The following TNFAIP8 variants were observed in gnomAD, a reference collection of about 807,000 sequenced individuals.
The protein encoded by TNFAIP8 is TNF alpha induced protein 8, also known as tumor necrosis factor alpha-induced protein 8.
In TNFAIP8, 7 loss-of-function variants were observed where a neutral mutation model predicts 13.3. That is an observed-to-expected ratio of 0.52 (90% CI 0.30 to 0.99). The LOEUF (loss-of-function observed/expected upper bound fraction) is 0.99, where lower values mean the gene tolerates loss of function less well. TNFAIP8 is among the 50% of genes least tolerant of loss of function. The pLI is 0.07. For synonymous variants in TNFAIP8, 94 were observed against 87.6 expected (o/e 1.07, Z -0.41); for missense variants, 258 against 236.9 (o/e 1.09, Z -0.58).
intron 1 of TNFAIP8, among the ~76,000 whole-genome samples, chr5:119,367,334 A>T (rs533053386): frequency 6.0e-4 from 92 of 152,238 alleles, no homozygotes; most frequent in Middle Eastern, 3.4e-3. Context: ...GAGTCATTCT[A>T]TGGTCTTAGG....
chr5:119,393,454 A>G lies in TNFAIP8; in HGVS notation c.*73A>G, dbSNP rs1215803320. 6 of 1,369,118 alleles carry G rather than the reference A, an allele frequency of 4.4e-6. No individual in the cohort carries two copies. The highest frequency in any genetic ancestry group is 5.0e-6 in the Non-Finnish European group (5 of 1,004,686). 84.8% of individuals were successfully genotyped at this position (1,369,118 alleles called of 1,614,324 possible). ...GCACTGCTGATTTATGAAGGAAAAA[A>G]GAAGAATTTTCTAAAGATTACACAT... On this transcript the variant is annotated 3_prime_UTR_variant, in exon 2 of 2. Transcript: ENST00000504771.
intron 1 of TNFAIP8, among the ~76,000 whole-genome samples, chr5:119,304,453 C>T (rs1384772227): frequency 2.0e-5 from 3 of 152,210 alleles, no homozygotes; most frequent in Admixed American, 6.5e-5. Flanking sequence ...TTTCTTACCT[C>T]TAAACTAAAC....
At chr5:119,369,805 G>C (rs181841826) in intron 1 of TNFAIP8, among the ~76,000 whole-genome samples, 2 of 152,330 alleles carry the variant, frequency 1.3e-5, no homozygotes, top group South Asian at 2.1e-4. Context: ...CTTCGAGCCA[G>C]TGTGAGTGAT....
At chr5:119,314,198 CAAACAAAA>C (rs891062971) in intron 1 of TNFAIP8, among the ~76,000 whole-genome samples, 35 of 149,306 alleles carry the variant, frequency 2.3e-4, no homozygotes, top group South Asian at 1.1e-3. Flanking sequence ...AACAAACAAA[CAAACAAAA>C]AAACCATGTC....
At chr5:119,383,579 T>G (rs887777458) in intron 1 of TNFAIP8, among the ~76,000 whole-genome samples, 3 of 152,222 alleles carry the variant, frequency 2.0e-5, no homozygotes, top group Non-Finnish European at 4.4e-5. Context: ...TTATATTCTT[T>G]CATCACTCAA....
chr5:119,321,203 T>A (rs62375109), intron 1 of TNFAIP8, among the ~76,000 whole-genome samples: 1 of 151,972 alleles, frequency 6.6e-6, no homozygotes, highest in African/African-American at 2.4e-5. Flanking sequence ...GGCAACACCG[T>A]GAGACTCCAT....
chr5:119,362,795 A>G (rs1339029978), intron 1 of TNFAIP8, among the ~76,000 whole-genome samples: 2 of 151,966 alleles, frequency 1.3e-5, no homozygotes, highest in Non-Finnish European at 2.9e-5. Context: ...CTGTCTCAAA[A>G]AAAAAAAAAG....
chr5:119,366,071 C>T (rs1453911752), intron 1 of TNFAIP8, among the ~76,000 whole-genome samples: 1 of 150,804 alleles, frequency 6.6e-6, no homozygotes, highest in Non-Finnish European at 1.5e-5. Flanking sequence ...GGGATCCAGG[C>T]CTGATGAGAG....
intron 1 of TNFAIP8, among the ~76,000 whole-genome samples, chr5:119,277,956 C>A (rs931700542): frequency 3.9e-5 from 6 of 152,120 alleles, no homozygotes; most frequent in African/African-American, 1.4e-4. Context: ...GCCCTTATGA[C>A]TTAATCACTT....
intron 1 of TNFAIP8, among the ~76,000 whole-genome samples, chr5:119,365,075 C>T (rs976927391): frequency 6.6e-6 from 1 of 152,006 alleles, no homozygotes; most frequent in African/African-American, 2.4e-5. Flanking sequence ...TGGTCTCAAA[C>T]TCCTGACCTC....
At chr5:119,338,210 A>ACACACACACC (rs1366073474) in intron 1 of TNFAIP8, among the ~76,000 whole-genome samples, 4 of 130,622 alleles carry the variant, frequency 3.1e-5, no homozygotes, top group African/African-American at 1.2e-4. Context: ...ACACACACAC[A>ACACACACACC]CCTTCTCAGC....
intron 1 of TNFAIP8, among the ~76,000 whole-genome samples, chr5:119,372,032 G>C (rs1313604507): frequency 3.3e-5 from 5 of 151,968 alleles, no homozygotes; most frequent in Non-Finnish European, 5.9e-5. Flanking sequence ...AGCTACTCAA[G>C]AGGCTGAGGC....
intron 1 of TNFAIP8, among the ~76,000 whole-genome samples, chr5:119,307,377 G>A (rs1400246336): frequency 6.6e-6 from 1 of 152,154 alleles, no homozygotes; most frequent in African/African-American, 2.4e-5. Context: ...TTCTGGAAGT[G>A]TAATTGCTGA....
intron 1 of TNFAIP8, among the ~76,000 whole-genome samples, chr5:119,314,064 A>T (rs1749809872): frequency 6.6e-6 from 1 of 152,228 alleles, no homozygotes; most frequent in South Asian, 2.1e-4. Flanking sequence ...GTCATGACAC[A>T]TGCCTGGCAT....
chr5:119,376,912 A>G (rs1339495992), intron 1 of TNFAIP8, among the ~76,000 whole-genome samples: 1 of 152,190 alleles, frequency 6.6e-6, no homozygotes, highest in Non-Finnish European at 1.5e-5. Context: ...GCCTTCCCCA[A>G]GTACATCAAG....
At chr5:119,375,300 C>T (rs1468902886) in intron 1 of TNFAIP8, among the ~76,000 whole-genome samples, 1 of 152,158 alleles carries the variant, frequency 6.6e-6, no homozygotes, top group Non-Finnish European at 1.5e-5. Context: ...CTTCTATCTC[C>T]TAAAATAGGA....
chr5:119,382,899 C>G (rs1280555735), intron 1 of TNFAIP8, among the ~76,000 whole-genome samples: 15 of 152,194 alleles, frequency 9.9e-5, no homozygotes, highest in Non-Finnish European at 1.9e-4. Context: ...ATTTGTTAGC[C>G]AATTATTTTC....
intron 1 of TNFAIP8, among the ~76,000 whole-genome samples, chr5:119,381,838 A>G (rs1235904001): frequency 2.0e-5 from 3 of 152,108 alleles, no homozygotes; most frequent in African/African-American, 7.2e-5. Flanking sequence ...AGGCTGAGGC[A>G]GGAGAATCGC....
At chr5:119,359,416 C>G (rs922887410) in intron 1 of TNFAIP8, among the ~76,000 whole-genome samples, 12 of 152,188 alleles carry the variant, frequency 7.9e-5, no homozygotes, top group African/African-American at 2.9e-4. Flanking sequence ...CTTAACATCT[C>G]TTCTAGACCA....
Sources: gnomAD v4.1 joint callset for allele counts (sites outside exome capture counted in the v4.1 genomes callset) on GRCh38, gnomAD v4.1.1 for gene constraint, MANE v1.5 for transcripts, NCBI Gene and HGNC (gene_info 2026-07-23, HGNC 2026-07-21) for gene names.